Variants in LINC00632 observed in about 807,000 individuals in gnomAD.
The protein encoded by LINC00632 is ALDOA related specific transcript.
At chrX:140,737,400 T>G (rs993779274) in intron 3 of LINC00632, among the ~76,000 whole-genome samples, 2 of 111,828 alleles carry the variant, frequency 1.8e-5, no homozygotes, top group Non-Finnish European at 3.8e-5. Flanking sequence ...CTAGAATTTG[T>G]AATGATCAGG....
At chrX:140,742,863 G>GAGAA in intron 3 of LINC00632, among the ~76,000 whole-genome samples, 1 of 96,266 alleles carries the variant, frequency 1.0e-5, no homozygotes, top group Admixed American at 1.2e-4. Flanking sequence ...GAGAGAGAGA[G>GAGAA]AGAGAGAGAG....
exon 5 of LINC00632, among the ~76,000 whole-genome samples, chrX:140,791,259 GTGA>G (rs1428488385): frequency 7.1e-5 from 8 of 111,959 alleles, no homozygotes; most frequent in Non-Finnish European, 1.5e-4. Flanking sequence ...TGATATCCAG[GTGA>G]TGATATGGTT....
intron 1 of LINC00632, chrX:140,711,606 G>GT (rs749973648): frequency 9.6e-6 from 3 of 312,790 alleles, no homozygotes; most frequent in South Asian, 3.2e-5. Flanking sequence ...TGCTTTTCTG[G>GT]TTTTTTCTCC....
chrX:140,732,131 G>A (rs907415312), intron 2 of LINC00632, among the ~76,000 whole-genome samples: 3 of 110,980 alleles, frequency 2.7e-5, no homozygotes, highest in Non-Finnish European at 5.7e-5. Flanking sequence ...TTGAACCCGG[G>A]AGGCAGAGGT....
chrX:140,758,350 GATGT>G (rs1931527624), intron 3 of LINC00632, among the ~76,000 whole-genome samples: 1 of 104,041 alleles, frequency 9.6e-6, no homozygotes, highest in Non-Finnish European at 1.9e-5. Flanking sequence ...GTGTAAAAAT[GATGT>G]ATGAAAGCTA....
intron 2 of LINC00632, among the ~76,000 whole-genome samples, chrX:140,724,111 TAC>T (rs752758055): frequency 0.075 from 4,088 of 54,301 alleles, 90 homozygotes; most frequent in African/African-American, 0.2. Flanking sequence ...ATATTCCATA[TAC>T]ACACACACAT....
chrX:140,724,602 TAC>T (rs377464463), intron 2 of LINC00632, among the ~76,000 whole-genome samples: 1,389 of 12,492 alleles, frequency 0.11, 26 homozygotes, highest in African/African-American at 0.25. Context: ...ACACATTCTG[TAC>T]ACACACACAC....
chrX:140,718,788 C>T (rs1930681479), intron 2 of LINC00632, among the ~76,000 whole-genome samples: 1 of 111,934 alleles, frequency 8.9e-6, no homozygotes, highest in South Asian at 3.7e-4. Context: ...TATCACACAA[C>T]AGCTAGACAC....
chrX:140,782,220 CA>C, exon 5 of LINC00632, among the ~76,000 whole-genome samples: 1 of 111,953 alleles, frequency 8.9e-6, no homozygotes, highest in African/African-American at 3.2e-5. Context: ...CCCTAATACA[CA>C]ACTCTTTGAA....
intron 3 of LINC00632, among the ~76,000 whole-genome samples, chrX:140,765,580 C>T (rs767505265): frequency 8.9e-6 from 1 of 112,065 alleles, no homozygotes; most frequent in Admixed American, 9.5e-5. Flanking sequence ...TCCTCTCTAG[C>T]TTCCCATGTG....
intron 2 of LINC00632, among the ~76,000 whole-genome samples, chrX:140,730,341 A>C (rs1931038353): frequency 2.7e-5 from 3 of 110,926 alleles, no homozygotes; most frequent in Non-Finnish European, 5.7e-5. Flanking sequence ...AGAACGACTC[A>C]TGCCAAAACA....
chrX:140,722,863 A>G (rs1930753859), intron 2 of LINC00632, among the ~76,000 whole-genome samples: 1 of 110,675 alleles, frequency 9.0e-6, no homozygotes, highest in Non-Finnish European at 1.9e-5. Context: ...CAGCCTGACC[A>G]ACATGGAGAA....
intron 2 of LINC00632, among the ~76,000 whole-genome samples, chrX:140,723,050 A>AAAAG (rs1556020630): frequency 3.6e-5 from 4 of 109,852 alleles, no homozygotes; most frequent in Non-Finnish European, 3.8e-5. Flanking sequence ...CAAAAAAAAA[A>AAAAG]AAAGAAAAGA....
At chrX:140,720,629 T>G (rs755404610) in intron 2 of LINC00632, among the ~76,000 whole-genome samples, 1 of 111,934 alleles carries the variant, frequency 8.9e-6, no homozygotes, top group South Asian at 3.7e-4. Context: ...CTGTAACACA[T>G]GCCAACTTCT....
rs748293491 is a variant in LINC00632 at position 140,736,436 on chromosome X, C to CTTTTTTTTTTTTTT, written n.191+2478_191+2491dup. Among the ~76,000 whole-genome samples, 12 of 50,046 alleles carry CTTTTTTTTTTTTTT rather than the reference C, an allele frequency of 2.4e-4. 1 individual carries two copies. The highest frequency in any genetic ancestry group is 5.1e-4 in the African/African-American group (9 of 17,505). 43.5% of individuals were successfully genotyped at this position (50,046 alleles called of 115,157 possible). A position where few individuals can be genotyped will look rare whatever the true frequency, so the allele number is the denominator to read the frequency against. ...GTTTTCTTTTTCTTTTCTTCTTCTT[C>CTTTTTTTTTTTTTT]TTTTTTTTTTTTTTTTTTTGAGACA... is the stretch of plus-strand genomic sequence containing the variant. On this transcript the variant is annotated intron_variant and non_coding_transcript_variant, in intron 3 of 4. Transcript: ENST00000648200.
intron 3 of LINC00632, among the ~76,000 whole-genome samples, chrX:140,735,865 CTTTAA>C (rs1451291336): frequency 9.0e-6 from 1 of 111,447 alleles, no homozygotes; most frequent in African/African-American, 3.3e-5. Flanking sequence ...CACGCCCAGC[CTTTAA>C]TTTATTATAT....
intron 3 of LINC00632, among the ~76,000 whole-genome samples, chrX:140,763,759 T>G (rs1208722367): frequency 8.9e-6 from 1 of 111,913 alleles, no homozygotes; most frequent in Non-Finnish European, 1.9e-5. Flanking sequence ...TAACAGCTGT[T>G]TTTCACATCC....
At chrX:140,754,260 A>G (rs1303250350) in intron 3 of LINC00632, among the ~76,000 whole-genome samples, 2 of 111,342 alleles carry the variant, frequency 1.8e-5, no homozygotes, top group East Asian at 5.7e-4. Context: ...CCATGGTTCT[A>G]ATTAAACTGA....
chrX:140,763,213 T>C (rs1315271681), intron 3 of LINC00632, among the ~76,000 whole-genome samples: 2 of 110,811 alleles, frequency 1.8e-5, no homozygotes, highest in Non-Finnish European at 3.8e-5. Context: ...CTGGCCAACA[T>C]GGTGAAACCC....
Sources: allele counts gnomAD v4.1 joint callset (sites outside exome capture counted in the v4.1 genomes callset), GRCh38; gene constraint gnomAD v4.1.1; transcripts MANE v1.5; gene names NCBI Gene and HGNC (gene_info 2026-07-23, HGNC 2026-07-21).